Variants in ZNF106 observed in about 807,000 individuals in gnomAD.
ZNF106 encodes SH3-domain binding protein 3.
Under a neutral mutation model 195.1 loss-of-function variants are expected in ZNF106, and 67 were observed. The ratio of observed to expected loss-of-function variants is 0.34; its 90% confidence interval spans 0.28 to 0.42. The LOEUF (loss-of-function observed/expected upper bound fraction) is 0.42. Ranked by LOEUF, ZNF106 falls within the 10% of genes least tolerant of loss-of-function variation. The pLI is 1.00. For missense variants in ZNF106, 2,118 were observed against 2,304.5 expected (o/e 0.92, Z 1.66); for synonymous variants, 784 against 818.6 (o/e 0.96, Z 0.72).
chr15:42,463,570 C>CT (rs2056444394), intron 3 of ZNF106, among the ~76,000 whole-genome samples: 1 of 152,032 alleles, frequency 6.6e-6, no homozygotes, highest in African/African-American at 2.4e-5. Flanking sequence ...GAGTGGAACT[C>CT]TGTCTTTACA....
intron 3 of ZNF106, among the ~76,000 whole-genome samples, chr15:42,462,419 G>A (rs541830362): frequency 6.6e-6 from 1 of 152,208 alleles, no homozygotes; most frequent in Admixed American, 6.5e-5. Context: ...TCAACATGGC[G>A]AAACCCAGTT....
intron 1 of ZNF106, among the ~76,000 whole-genome samples, chr15:42,477,698 T>C (rs929420892): frequency 1.3e-5 from 2 of 152,076 alleles, no homozygotes; most frequent in African/African-American, 4.8e-5. Context: ...AAGACCAGCG[T>C]GACCAACATG....
chr15:42,451,908 T>G lies in ZNF106; in HGVS notation c.364A>C (p.Arg122=), dbSNP rs1316714974. The G allele has an allele frequency of 6.2e-7, 1 of 1,613,910 alleles. No individual in the cohort carries two copies. The highest frequency in any genetic ancestry group is 8.5e-7 in the Non-Finnish European group (1 of 1,180,004). The change falls in exon 5 of 22, where the codon AGA becomes CGA. Residue 122 remains arginine, a synonymous_variant. Coordinates refer to ENST00000564754, the MANE Select transcript of ZNF106 (RefSeq NM_001366845.3). Reference sequence around the variant, plus strand: ...TCTTCTCGTCTCCATTGGGGTCGTCTGTCATCAGAGTTTATTTCTTGGTTG... The same window carrying G: ...TCTTCTCGTCTCCATTGGGGTCGTCGGTCATCAGAGTTTATTTCTTGGTTG... ...NSNQEINSDD[R]RPQWRREDRI... is the part of the protein sequence containing the mutation.
At position 42,477,581 on chromosome 15, in the gene ZNF106, C is replaced by CA. The variant is rs998022356; in HGVS notation, c.-32-5261dup. 9.2e-5 allele frequency among the ~76,000 whole-genome samples: 14 copies of CA among 152,192 alleles called. No individual in the cohort carries two copies. The East Asian group carries it at 2.5e-3, about 27-fold the overall frequency. ...CAACACAGCAAAATTCGTGTATCCACAAAAAAATTAAAAATTATCCAGGTT... is the reference window on the plus strand; with the variant it reads ...CAACACAGCAAAATTCGTGTATCCACAAAAAAAATTAAAAATTATCCAGGTT... On this transcript the variant is annotated intron_variant, in intron 1 of 21. Coordinates refer to ENST00000564754, the MANE Select transcript of ZNF106 (RefSeq NM_001366845.3).
At position 42,452,069 on chromosome 15, in the gene ZNF106, C is replaced by G. The variant is rs567994609; in HGVS notation, c.318-115G>C. 21 of 1,178,464 alleles carry G rather than the reference C, an allele frequency of 1.8e-5. No homozygotes were observed. In the African/African-American group the frequency reaches 2.6e-4, roughly 15 times the overall value. 73.0% of individuals were successfully genotyped at this position (1,178,464 alleles called of 1,614,324 possible). ...CCTCCCGTTACTTAGAATATGTAAC[C>G]GAGTCTGGTTTTATATCTAATAGTG... is the stretch of plus-strand genomic sequence containing the variant. On this transcript the variant is annotated intron_variant, in intron 4 of 21. Transcript: ENST00000564754.
chr15:42,418,906 ATT>A (rs2054552802), intron 20 of ZNF106, among the ~76,000 whole-genome samples: 1 of 151,814 alleles, frequency 6.6e-6, no homozygotes, highest in Non-Finnish European at 1.5e-5. Context: ...AATTTCATGT[ATT>A]AGAAAGCATA....
intron 13 of ZNF106, 144 bp downstream of exon 13, chr15:42,437,085 GCTT>G: frequency 1.3e-6 from 1 of 756,776 alleles, no homozygotes; most frequent in Non-Finnish European, 2.0e-6. Flanking sequence ...ACCTTGCTGA[GCTT>G]CTGGATTAAA....
chr15:42,440,855 C>A (rs945194621), intron 10 of ZNF106, among the ~76,000 whole-genome samples: 1 of 148,556 alleles, frequency 6.7e-6, no homozygotes, highest in East Asian at 2.0e-4. Context: ...TGGTGGTGGG[C>A]GCCTGTAATC....
chr15:42,461,149 A>G (rs2056383259), intron 3 of ZNF106, among the ~76,000 whole-genome samples: 1 of 152,310 alleles, frequency 6.6e-6, no homozygotes, highest in Admixed American at 6.5e-5. Context: ...TATTACCTCT[A>G]TTACCTCTGT....
rs1409592528 is a variant in ZNF106, at chr15:42,416,715, TCTA to T, written c.*586_*588del. On this transcript the variant is annotated 3_prime_UTR_variant, in exon 22 of 22. Coordinates refer to ENST00000564754, the MANE Select transcript of ZNF106 (RefSeq NM_001366845.3). ...CAGAGCAGCCACTGTTTGTCAAAAA[TCTA>T]CTGTGTCCTTTAGCACTTAAAGCCA... The T allele has an allele frequency of 6.6e-6, 1 of 152,250 alleles. No individual in the cohort carries two copies. The highest frequency in any genetic ancestry group is 1.5e-5 in the Non-Finnish European group (1 of 68,064). The allele number at this position is 152,250 out of a possible 1,614,324, so 9.4% of individuals were successfully genotyped here.
intron 16 of ZNF106, 108 bp downstream of exon 16, chr15:42,424,725 CT>C: frequency 8.8e-7 from 1 of 1,139,104 alleles, no homozygotes; most frequent in South Asian, 1.7e-5. Context: ...AGCGATCCCC[CT>C]GCCTCACCCT....
chr15:42,490,767 C>T (rs2057141808), intron 1 of ZNF106, among the ~76,000 whole-genome samples: 1 of 152,186 alleles, frequency 6.6e-6, no homozygotes, highest in African/African-American at 2.4e-5. Context: ...TGGAACGCCC[C>T]CGCGAAAATC....
Position 42,417,237 on chromosome 15 carries a change from G to T in ZNF106, c.*67C>A. ...CTTCACCAAGAAAGGGAAGAGAGTGGCCTGTGTGGGGGGCCAATGTGAAAA... is the reference window on the plus strand; with the variant it reads ...CTTCACCAAGAAAGGGAAGAGAGTGTCCTGTGTGGGGGGCCAATGTGAAAA... On this transcript the variant is annotated 3_prime_UTR_variant, in exon 22 of 22. Coordinates refer to ENST00000564754, the MANE Select transcript of ZNF106 (RefSeq NM_001366845.3). 6.5e-7 allele frequency: 1 copy of T among 1,545,480 alleles called. No homozygotes were observed. The highest frequency in any genetic ancestry group is 8.9e-7 in the Non-Finnish European group (1 of 1,119,274).
At position 42,437,325 on chromosome 15, in the gene ZNF106, C is replaced by G. The variant is rs371805941; in HGVS notation, c.4653G>C (p.Glu1551Asp). Residue 1551 changes from glutamate (E) to aspartate (D), a missense_variant, in exon 13 of 22, where the codon GAG (glutamate) becomes GAC (aspartate). Glu to Asp is a conservative substitution (Grantham distance 45). Coordinates refer to ENST00000564754, the MANE Select transcript of ZNF106 (RefSeq NM_001366845.3). ...DDDEPTEGSF[E>D]GHQAAVNAIQ... ...TTGCATTTACGGCAGCTTGGTGTCCCTCAAAGCTTCCTTCTGTGGGTTCAT... is the reference window on the plus strand; with the variant it reads ...TTGCATTTACGGCAGCTTGGTGTCCGTCAAAGCTTCCTTCTGTGGGTTCAT... 2.5e-6 allele frequency: 4 copies of G among 1,614,050 alleles called. No individual in the cohort carries two copies. In the African/African-American group the frequency reaches 5.3e-5, roughly 22 times the overall value.
At position 42,432,778 on chromosome 15, in the gene ZNF106, G is replaced by A. The variant is rs114488745; in HGVS notation, c.4881+2606C>T. On this transcript the variant is annotated intron_variant, in intron 14 of 21. Transcript: ENST00000564754. ...ATGTGCCTGTAATCCCAATTTACTC[G>A]GGAGGCTGAGGCGGAAGGATCACTT... 4.6e-3 allele frequency among the ~76,000 whole-genome samples: 706 copies of A among 151,954 alleles called. 6 individuals are homozygous for A. The highest frequency in any genetic ancestry group is 0.015 in the African/African-American group (636 of 41,432).
intron 7 of ZNF106, among the ~76,000 whole-genome samples, chr15:42,445,261 A>C (rs566437566): frequency 8.0e-4 from 122 of 152,274 alleles, no homozygotes; most frequent in Non-Finnish European, 1.4e-3. Context: ...TTCCAGGTGA[A>C]ATCTGTCCCA....
At chr15:42,418,532 ATTTTTTTTTTTT>A (rs1162999546) in intron 20 of ZNF106, among the ~76,000 whole-genome samples, 1 of 96,228 alleles carries the variant, frequency 1.0e-5, no homozygotes, top group Non-Finnish European at 2.0e-5. Flanking sequence ...CGGCCAGTTA[ATTTTTTTTTTTT>A]TTTTTTTTTT....
intron 9 of ZNF106, among the ~76,000 whole-genome samples, chr15:42,443,691 C>T (rs1406918763): frequency 6.6e-6 from 1 of 151,848 alleles, no homozygotes; most frequent in Non-Finnish European, 1.5e-5. Context: ...GATCGTGCCA[C>T]TGCGCTCCAG....
chr15:42,486,861 A>AT (rs2057027206), intron 1 of ZNF106, among the ~76,000 whole-genome samples: 1 of 152,036 alleles, frequency 6.6e-6, no homozygotes, highest in Non-Finnish European at 1.5e-5. Context: ...TAAAAAATTA[A>AT]TTTTTTTGGC....
Sources: gnomAD v4.1 joint callset for allele counts (sites outside exome capture counted in the v4.1 genomes callset) on GRCh38, gnomAD v4.1.1 for gene constraint, MANE v1.5 for transcripts, NCBI Gene and HGNC (gene_info 2026-07-23, HGNC 2026-07-21) for gene names.